Variants in RCOR1 observed in about 807,000 individuals in gnomAD.
RCOR1 encodes REST corepressor.
Under a neutral mutation model 64.0 loss-of-function variants are expected in RCOR1, and 12 were observed. The observed-to-expected ratio is 0.19, with a 90% CI of 0.12 to 0.30. The LOEUF (loss-of-function observed/expected upper bound fraction) is 0.30, where lower values mean the gene tolerates loss of function less well. RCOR1 is among the 10% of genes least tolerant of loss of function. RCOR1 has a pLI of 1.00. For synonymous variants in RCOR1, 279 were observed against 227.2 expected (o/e 1.23, Z -2.05); for missense variants, 502 against 621.2 (o/e 0.81, Z 2.04).
chr14:102,626,236 A>G, intron 2 of RCOR1, among the ~76,000 whole-genome samples: 1 of 152,178 alleles, frequency 6.6e-6, no homozygotes. Flanking sequence ...TTGTTTCATT[A>G]GTTCTTTTGG....
chr14:102,637,366 G>C (rs761092925), intron 2 of RCOR1, among the ~76,000 whole-genome samples: 1 of 151,900 alleles, frequency 6.6e-6, no homozygotes, highest in Non-Finnish European at 1.5e-5. Context: ...GACCTCAGTT[G>C]ATCTACCTGC....
Position 102,662,571 on chromosome 14 carries a change from G to A in RCOR1, c.362-19324G>A, listed in dbSNP as rs565320670. On this transcript the variant is annotated intron_variant, in intron 2 of 11. Coordinates refer to ENST00000262241, the MANE Select transcript of RCOR1 (RefSeq NM_015156.4). ...TGGAGTCGCAGTGTTTTGGGCCGCT[G>A]GAAGGTGGGTGATGTGTGGATCTTT... 5.2e-4 allele frequency: 242 copies of A among 468,000 alleles called. 5 individuals carry two copies. Among genetic ancestry groups the A allele is most frequent in the South Asian group, 3.9e-3 (236 of 59,830 alleles). The allele number at this position is 468,000 out of a possible 1,614,324, so 29.0% of individuals were successfully genotyped here.
At chr14:102,641,261 A>G (rs905877416) in intron 2 of RCOR1, among the ~76,000 whole-genome samples, 1 of 152,048 alleles carries the variant, frequency 6.6e-6, no homozygotes, top group African/African-American at 2.4e-5. Flanking sequence ...CTTAAAAAAA[A>G]AGAAAACCAG....
At chr14:102,635,189 C>G (rs1054499623) in intron 2 of RCOR1, among the ~76,000 whole-genome samples, 2 of 152,096 alleles carry the variant, frequency 1.3e-5, no homozygotes, top group Non-Finnish European at 2.9e-5. Flanking sequence ...GTATATATGT[C>G]TAAAATCTTC....
chr14:102,719,183 A>T (rs1896126776), intron 8 of RCOR1, among the ~76,000 whole-genome samples: 2 of 152,082 alleles, frequency 1.3e-5, no homozygotes, highest in African/African-American at 4.8e-5. Flanking sequence ...CCCAGACTCA[A>T]GCTATCCTCC....
At chr14:102,632,751 TCCC>T (rs1567415336) in intron 2 of RCOR1, among the ~76,000 whole-genome samples, 4 of 40,098 alleles carry the variant, frequency 1.0e-4, no homozygotes, top group African/African-American at 4.3e-4. Context: ...TCCCCTCCCC[TCCC>T]CTCCCCTCCC....
chr14:102,595,319 T>C (rs1893218938), intron 2 of RCOR1, among the ~76,000 whole-genome samples: 1 of 152,094 alleles, frequency 6.6e-6, no homozygotes, highest in Admixed American at 6.6e-5. Context: ...CTGGGCAATG[T>C]AGTCAGACTC....
intron 2 of RCOR1, among the ~76,000 whole-genome samples, chr14:102,600,169 C>CT (rs1406587950): frequency 6.6e-6 from 1 of 151,918 alleles, no homozygotes; most frequent in Non-Finnish European, 1.5e-5. Flanking sequence ...TCACTACAAG[C>CT]TCCGCCTCCC....
chr14:102,612,360 C>T (rs772203215), intron 2 of RCOR1, among the ~76,000 whole-genome samples: 37 of 151,956 alleles, frequency 2.4e-4, no homozygotes, highest in Admixed American at 7.2e-4. Context: ...CGCGCCACCA[C>T]GCCCGCTAAT....
intron 3 of RCOR1, among the ~76,000 whole-genome samples, chr14:102,694,158 A>G (rs1341266316): frequency 6.6e-6 from 1 of 152,216 alleles, no homozygotes; most frequent in East Asian, 1.9e-4. Flanking sequence ...TACTCTGCCA[A>G]GATAAGCTTC....
chr14:102,725,557 G>C (rs1196028022), intron 11 of RCOR1, among the ~76,000 whole-genome samples: 1 of 152,114 alleles, frequency 6.6e-6, no homozygotes, highest in Admixed American at 6.5e-5. Flanking sequence ...GTGCTTATAT[G>C]CCCTTTTCAG....
intron 4 of RCOR1, among the ~76,000 whole-genome samples, chr14:102,705,027 G>C (rs1353405951): frequency 6.6e-6 from 1 of 152,124 alleles, no homozygotes; most frequent in Non-Finnish European, 1.5e-5. Flanking sequence ...TCTGGAGGTT[G>C]AGGTGGGAGG....
At chr14:102,662,565 G>A (rs928421076) in intron 2 of RCOR1, 5 of 473,238 alleles carry the variant, frequency 1.1e-5, no homozygotes, top group African/African-American at 1.0e-4. Context: ...AGTGTTTTGG[G>A]CCGCTGGAAG....
intron 3 of RCOR1, among the ~76,000 whole-genome samples, chr14:102,688,436 A>T (rs376057730): frequency 6.6e-6 from 1 of 152,182 alleles, no homozygotes; most frequent in South Asian, 2.1e-4. Flanking sequence ...TTTAGCTAGA[A>T]CTGATATGAT....
intron 2 of RCOR1, among the ~76,000 whole-genome samples, chr14:102,644,753 A>G (rs1894445475): frequency 6.6e-6 from 1 of 152,228 alleles, no homozygotes; most frequent in Non-Finnish European, 1.5e-5. Flanking sequence ...TCTGCCCAGA[A>G]AAGAGGAAAC....
intron 2 of RCOR1, among the ~76,000 whole-genome samples, chr14:102,676,632 G>GA (rs1366581883): frequency 9.1e-6 from 1 of 109,628 alleles, no homozygotes; most frequent in East Asian, 3.1e-4. Flanking sequence ...CAGGTGGGGG[G>GA]CTGATCCCCC....
At chr14:102,717,333 C>A (rs973850426) in intron 8 of RCOR1, among the ~76,000 whole-genome samples, 4 of 152,226 alleles carry the variant, frequency 2.6e-5, no homozygotes, top group African/African-American at 9.7e-5. Context: ...CAACTGTCAT[C>A]TCATAGACGC....
At chr14:102,627,401 A>T (rs1894002662) in intron 2 of RCOR1, among the ~76,000 whole-genome samples, 1 of 152,182 alleles carries the variant, frequency 6.6e-6, no homozygotes, top group African/African-American at 2.4e-5. Flanking sequence ...TCACGCCCGT[A>T]ATCCCAACAC....
At position 102,653,802 on chromosome 14, in the gene RCOR1, G is replaced by A. The variant is rs530725560; in HGVS notation, c.362-28093G>A. Among the ~76,000 whole-genome samples, 19 of 152,016 alleles carry A rather than the reference G, an allele frequency of 1.2e-4. No individual in the cohort carries two copies. In the South Asian group the frequency reaches 3.5e-3, roughly 28 times the overall value. ...CTTCCACCATGATTATAAGTTTACT[G>A]AGGCCTCCCTAGAAGCTGAGCAGAT... On this transcript the variant is annotated intron_variant, in intron 2 of 11. Transcript: ENST00000262241.
Sources: allele counts gnomAD v4.1 joint callset (sites outside exome capture counted in the v4.1 genomes callset), GRCh38; gene constraint gnomAD v4.1.1; transcripts MANE v1.5; gene names NCBI Gene and HGNC (gene_info 2026-07-23, HGNC 2026-07-21).